CUL2: variants seen among roughly 807,000 people sequenced by gnomAD.
The protein encoded by CUL2 is cullin-2.
Under a neutral mutation model 110.2 loss-of-function variants are expected in CUL2, and 22 were observed. That is an observed-to-expected ratio of 0.20 (90% confidence interval 0.14 to 0.28). The LOEUF (loss-of-function observed/expected upper bound fraction) is 0.28, where lower values mean the gene tolerates loss of function less well. Ranked by LOEUF, CUL2 falls within the 10% of genes least tolerant of loss-of-function variation. The pLI is 1.00. For missense variants in CUL2, 631 were observed against 905.5 expected (o/e 0.70, Z 3.89); for synonymous variants, 279 against 293.2 (o/e 0.95, Z 0.49).
intron 6 of CUL2, 73 bp downstream of exon 6, chr10:35,049,610 A>G (rs886482557): frequency 7.9e-7 from 1 of 1,258,956 alleles, no homozygotes; most frequent in African/African-American, 1.5e-5. Flanking sequence ...TGGCTCTGCA[A>G]TTGTACACTA....
intron 17 of CUL2, among the ~76,000 whole-genome samples, chr10:35,019,921 T>C (rs2085141003): frequency 6.6e-6 from 1 of 152,208 alleles, no homozygotes; most frequent in Non-Finnish European, 1.5e-5. Context: ...TCTGCTAAGC[T>C]AACTGAAGAG....
chr10:35,120,231 G>A (rs2087662126), intron 1 of CUL2, among the ~76,000 whole-genome samples: 1 of 152,182 alleles, frequency 6.6e-6, no homozygotes, highest in African/African-American at 2.4e-5. Flanking sequence ...TGTCATGCCA[G>A]GCTGGGCACA....
intron 16 of CUL2, among the ~76,000 whole-genome samples, chr10:35,026,334 A>C (rs2085334773): frequency 6.6e-6 from 1 of 152,216 alleles, no homozygotes; most frequent in Non-Finnish European, 1.5e-5. Context: ...CTGACTAACT[A>C]ATAACTCCCA....
intron 1 of CUL2, among the ~76,000 whole-genome samples, chr10:35,106,979 T>C (rs1263370600): frequency 1.3e-5 from 2 of 152,044 alleles, no homozygotes; most frequent in Non-Finnish European, 2.9e-5. Context: ...TTTGTTTGTT[T>C]GTTTTTTTGT....
chr10:35,012,051 TAC>T, intron 19 of CUL2, 87 bp from the exon 20 acceptor site: 1 of 674,180 alleles, frequency 1.5e-6, no homozygotes. Flanking sequence ...TGAGTGCAAA[TAC>T]TTTTTTTTTT....
chr10:35,113,965 T>C (rs2135134385), intron 1 of CUL2, among the ~76,000 whole-genome samples: 1 of 151,892 alleles, frequency 6.6e-6, no homozygotes, highest in Non-Finnish European at 1.5e-5. Flanking sequence ...TGGAGTGCAG[T>C]GGCATGATCT....
At chr10:35,103,209 C>A (rs956815285) in intron 1 of CUL2, among the ~76,000 whole-genome samples, 1 of 151,310 alleles carries the variant, frequency 6.6e-6, no homozygotes, top group South Asian at 2.1e-4. Flanking sequence ...GTGGTGTGAT[C>A]ACAACTCACT....
chr10:35,074,449 C>T (rs1028406860), intron 1 of CUL2: 8 of 573,176 alleles, frequency 1.4e-5, no homozygotes, highest in Non-Finnish European at 2.2e-5. Flanking sequence ...TCCTTAGCTG[C>T]CCCCTCCACC....
Position 35,010,069 on chromosome 10 carries a change from T to G in CUL2, c.*242A>C. 1 of 241,586 alleles carries G rather than the reference T, an allele frequency of 4.1e-6. No individual in the cohort carries two copies. The highest frequency in any genetic ancestry group is 7.7e-6 in the Non-Finnish European group (1 of 129,220). The allele number at this position is 241,586 out of a possible 1,614,324, so 15.0% of individuals were successfully genotyped here. On this transcript the variant is annotated 3_prime_UTR_variant, in exon 21 of 21. Coordinates refer to ENST00000374749, the MANE Select transcript of CUL2 (RefSeq NM_003591.4). ...TGGTACCCAACCGAATTTCCACTTT[T>G]CAGCAATACTTCACTCATTCTTTTA...
At chr10:35,060,290 T>A (rs2086348685) in intron 4 of CUL2, among the ~76,000 whole-genome samples, 1 of 148,868 alleles carries the variant, frequency 6.7e-6, no homozygotes, top group African/African-American at 2.5e-5. Flanking sequence ...AAGGACAAAA[T>A]AAAAGAAAGA....
At chr10:35,016,119 T>G (rs1170137432) in intron 18 of CUL2, 73 bp downstream of exon 18, 1 of 1,274,072 alleles carries the variant, frequency 7.8e-7, no homozygotes, top group African/African-American at 1.5e-5. Flanking sequence ...AGCCTTATTT[T>G]AAAACTGCAA....
intron 1 of CUL2, among the ~76,000 whole-genome samples, chr10:35,082,412 C>A (rs763243185): frequency 1.8e-4 from 27 of 152,112 alleles, no homozygotes; most frequent in Non-Finnish European, 2.8e-4. Flanking sequence ...AAATGGGGAG[C>A]TACTGCCTAA....
chr10:35,098,962 G>A (rs2087338772), intron 2 of CUL2, among the ~76,000 whole-genome samples: 1 of 151,964 alleles, frequency 6.6e-6, no homozygotes, highest in African/African-American at 2.4e-5. Flanking sequence ...AAGTAATATA[G>A]GCCATCTCAT....
At chr10:35,125,231 G>A in intron 1 of CUL2, among the ~76,000 whole-genome samples, 1 of 152,088 alleles carries the variant, frequency 6.6e-6, no homozygotes, top group East Asian at 1.9e-4. Flanking sequence ...ATGAACTGAT[G>A]GGCTTGTAAG....
intron 2 of CUL2, among the ~76,000 whole-genome samples, chr10:35,067,076 T>C (rs1377956492): frequency 6.7e-6 from 1 of 149,774 alleles, no homozygotes; most frequent in Non-Finnish European, 1.5e-5. Flanking sequence ...CTCCCGGAGG[T>C]TGGAGTGAGC....
intron 6 of CUL2, among the ~76,000 whole-genome samples, chr10:35,046,839 G>C (rs967106057): frequency 3.9e-5 from 6 of 152,142 alleles, no homozygotes; most frequent in Non-Finnish European, 7.3e-5. Flanking sequence ...GTTACAGTGA[G>C]CCAAGATCGT....
chr10:35,035,027 A>T, intron 10 of CUL2, 145 bp downstream of exon 10: 1 of 986,070 alleles, frequency 1.0e-6, no homozygotes, highest in Non-Finnish European at 1.5e-6. Flanking sequence ...AACAAATTCT[A>T]GGTTTAAAAC....
At chr10:35,111,223 A>C (rs781408517) in intron 1 of CUL2, among the ~76,000 whole-genome samples, 5 of 151,962 alleles carry the variant, frequency 3.3e-5, no homozygotes, top group Non-Finnish European at 7.4e-5. Context: ...AGATTAAATG[A>C]TTCTTTAAGA....
intron 17 of CUL2, among the ~76,000 whole-genome samples, chr10:35,023,725 C>G (rs982395281): frequency 2.7e-5 from 4 of 150,696 alleles, no homozygotes; most frequent in Non-Finnish European, 1.5e-5. Context: ...CAAGCTAAAT[C>G]GAACTGCACT....
Sources: gnomAD v4.1 joint callset for allele counts (sites outside exome capture counted in the v4.1 genomes callset) on GRCh38, gnomAD v4.1.1 for gene constraint, MANE v1.5 for transcripts, NCBI Gene and HGNC (gene_info 2026-07-23, HGNC 2026-07-21) for gene names.